Variants in PDZRN3 observed in about 807,000 individuals in gnomAD.
PDZRN3 encodes E3 ubiquitin-protein ligase PDZRN3.
PDZRN3 carries 38 observed loss-of-function variants against 85.7 expected under a neutral mutation model. The observed-to-expected ratio is 0.44, with a 90% CI of 0.34 to 0.58. PDZRN3 has a LOEUF of 0.58. Ranked by LOEUF, PDZRN3 falls within the 20% of genes least tolerant of loss-of-function variation. The pLI is 0.01. For missense variants in PDZRN3, 1,629 were observed against 1,506.4 expected, an observed-to-expected ratio of 1.08 and a Z score of -1.35; for synonymous variants, 759 against 638.0, an observed-to-expected ratio of 1.19 and a Z score of -2.86.
At chr3:73,598,941 A>C (rs1702471585) in intron 3 of PDZRN3, among the ~76,000 whole-genome samples, 2 of 152,300 alleles carry the variant, frequency 1.3e-5, no homozygotes, top group Non-Finnish European at 2.9e-5. Flanking sequence ...CCATCACAAC[A>C]ATAGGGGTAT....
chr3:73,388,764 G>C (rs961462305), intron 7 of PDZRN3, among the ~76,000 whole-genome samples: 1 of 151,764 alleles, frequency 6.6e-6, no homozygotes, highest in African/African-American at 2.4e-5. Flanking sequence ...CAGCAAAAGG[G>C]GTGACTCTAT....
chr3:73,411,598 A>C (rs1476951309), intron 3 of PDZRN3, among the ~76,000 whole-genome samples: 1,623 of 152,196 alleles, frequency 0.011, 18 homozygotes, highest in African/African-American at 0.037. Context: ...CTAGGTCGGG[A>C]GTCCACCATA....
intron 3 of PDZRN3, among the ~76,000 whole-genome samples, chr3:73,591,530 T>C (rs1374759076): frequency 6.6e-6 from 1 of 152,190 alleles, no homozygotes; most frequent in African/African-American, 2.4e-5. Flanking sequence ...TTCAGGTTTA[T>C]GAAACTGTGT....
rs779941014 is a variant in PDZRN3, at chr3:73,383,832, G to T, written c.2734C>A (p.Pro912Thr). ...TCCATGCGCGGCTCCGACGGGGTGGGAGAGCTCAGGTCCTTGCACATGCTC... is the reference window on the plus strand; with the variant it reads ...TCCATGCGCGGCTCCGACGGGGTGGTAGAGCTCAGGTCCTTGCACATGCTC... ...LVSMCKDLSS[P>T]TPSEPRMEWK... is the part of the protein sequence containing the mutation. Residue 912 changes from proline (P) to threonine (T), a missense_variant, in exon 10 of 10, where the codon CCC (proline) becomes ACC (threonine). Coordinates refer to ENST00000263666, the MANE Select transcript of PDZRN3 (RefSeq NM_015009.3). 80 of 1,613,484 alleles carry T rather than the reference G, an allele frequency of 5.0e-5. No homozygotes were observed. In the Admixed American group the frequency reaches 1.3e-3, roughly 27 times the overall value.
intron 1 of PDZRN3, among the ~76,000 whole-genome samples, chr3:73,613,409 A>C (rs575656331): frequency 1.3e-5 from 2 of 152,140 alleles, no homozygotes; most frequent in Non-Finnish European, 2.9e-5. Context: ...GGCTCACAAC[A>C]GGATAGGAGA....
intron 3 of PDZRN3, among the ~76,000 whole-genome samples, chr3:73,407,681 G>T (rs991593590): frequency 6.6e-6 from 1 of 152,040 alleles, no homozygotes. Context: ...TGCTTTACTT[G>T]GATACATTTT....
Position 73,383,235 on chromosome 3 carries a change from T to G in PDZRN3, c.*130A>C. 1.2e-6 allele frequency: 1 copy of G among 823,406 alleles called. No homozygotes were observed. The highest frequency in any genetic ancestry group is 1.9e-6 in the Non-Finnish European group (1 of 517,524). 51.0% of individuals were successfully genotyped at this position (823,406 alleles called of 1,614,324 possible). A position where few individuals can be genotyped will look rare whatever the true frequency, so the allele number is the denominator to read the frequency against. On this transcript the variant is annotated 3_prime_UTR_variant, in exon 10 of 10. Coordinates refer to ENST00000263666, the MANE Select transcript of PDZRN3 (RefSeq NM_015009.3). The stretch of plus-strand genomic sequence containing the variant: ...CCTATGACACCCAGAGTTGTAGGGT[T>G]TGCAAATTTGGACTATAAACATGAA...
intron 9 of PDZRN3, 129 bp downstream of exon 9, chr3:73,385,540 C>T: frequency 1.5e-6 from 1 of 646,304 alleles, no homozygotes; most frequent in Non-Finnish European, 2.8e-6. Flanking sequence ...GTACTTGAGG[C>T]TGTTTTCTTG....
intron 3 of PDZRN3, among the ~76,000 whole-genome samples, chr3:73,542,742 C>G (rs1375004755): frequency 6.6e-6 from 1 of 151,758 alleles, no homozygotes; most frequent in Non-Finnish European, 1.5e-5. Flanking sequence ...CCATTGCACT[C>G]CAGCCTGGGC....
At chr3:73,444,835 G>C (rs1194807145) in intron 3 of PDZRN3, among the ~76,000 whole-genome samples, 1 of 152,198 alleles carries the variant, frequency 6.6e-6, no homozygotes, top group African/African-American at 2.4e-5. Flanking sequence ...AAGATGGAGG[G>C]AATACAGACA....
At chr3:73,520,258 C>T (rs533957263) in intron 3 of PDZRN3, among the ~76,000 whole-genome samples, 2 of 152,152 alleles carry the variant, frequency 1.3e-5, no homozygotes, top group South Asian at 2.1e-4. Context: ...AATACCAGCA[C>T]TTTTGGGAGG....
chr3:73,608,550 T>C, intron 2 of PDZRN3, 48 bp downstream of exon 2: 1 of 1,317,420 alleles, frequency 7.6e-7, no homozygotes, highest in East Asian at 2.3e-5. Context: ...GACCTCTCTT[T>C]CCAGCTACAC....
chr3:73,578,792 T>C (rs9878664), intron 3 of PDZRN3, among the ~76,000 whole-genome samples: 25,818 of 151,914 alleles, frequency 0.17, 2,353 homozygotes, highest in African/African-American at 0.24. Flanking sequence ...ATATGAGAAA[T>C]GTGAACATTT....
intron 3 of PDZRN3, among the ~76,000 whole-genome samples, chr3:73,587,945 GT>G (rs1380425002): frequency 6.6e-6 from 1 of 152,068 alleles, no homozygotes. Flanking sequence ...AACACTACTT[GT>G]TTTTTAAAAA....
At chr3:73,602,527 G>T in intron 2 of PDZRN3, 66 bp from the exon 3 acceptor site, 3 of 835,636 alleles carry the variant, frequency 3.6e-6, no homozygotes, top group South Asian at 1.5e-5. Context: ...AGTAAAGCTT[G>T]CACTCTTAAA....
In PDZRN3 at chr3:73,404,012, T is replaced by C. The variant is rs557465827; in HGVS notation, c.1166+136A>G. ...AGCAGGATTCGATTTATTGCCTCTA[T>C]AAACAATAAAGTTAAACATGGGCAA... On this transcript the variant is annotated intron_variant, in intron 4 of 9. Coordinates refer to ENST00000263666, the MANE Select transcript of PDZRN3 (RefSeq NM_015009.3). 3.3e-5 allele frequency: 25 copies of C among 757,784 alleles called. No homozygotes were observed. The African/African-American group carries it at 3.3e-4, about 10-fold the overall frequency. 46.9% of individuals were successfully genotyped at this position (757,784 alleles called of 1,614,324 possible).
intron 3 of PDZRN3, among the ~76,000 whole-genome samples, chr3:73,515,338 G>A (rs771984848): frequency 2.0e-5 from 3 of 151,996 alleles, no homozygotes; most frequent in Non-Finnish European, 4.4e-5. Flanking sequence ...ACCATGCCCA[G>A]CTAATTTTTT....
intron 3 of PDZRN3, among the ~76,000 whole-genome samples, chr3:73,540,319 G>C (rs2106779285): frequency 6.6e-6 from 1 of 152,122 alleles, no homozygotes; most frequent in South Asian, 2.1e-4. Context: ...ATTCTGTTCA[G>C]GTTACTCCCC....
At chr3:73,586,555 C>T (rs1244564446) in intron 3 of PDZRN3, among the ~76,000 whole-genome samples, 1 of 152,244 alleles carries the variant, frequency 6.6e-6, no homozygotes, top group Non-Finnish European at 1.5e-5. Flanking sequence ...AGAGCTTACA[C>T]TCAAGCAGGG....
Sources: allele counts gnomAD v4.1 joint callset (sites outside exome capture counted in the v4.1 genomes callset), GRCh38; gene constraint gnomAD v4.1.1; transcripts MANE v1.5; gene names NCBI Gene and HGNC (gene_info 2026-07-23, HGNC 2026-07-21).